MYH8: variants seen among roughly 807,000 people sequenced by gnomAD.
The protein encoded by MYH8 is myosin heavy chain 8.
Under a neutral mutation model 233.2 loss-of-function variants are expected in MYH8, and 168 were observed. The observed-to-expected ratio is 0.72, with a 90% CI of 0.64 to 0.82. The LOEUF (loss-of-function observed/expected upper bound fraction) is 0.82. Ranked by LOEUF, MYH8 falls within the 40% of genes least tolerant of loss-of-function variation. The pLI, the probability that MYH8 is intolerant of heterozygous loss-of-function variation, is 0.00. For missense variants in MYH8, 1,995 were observed against 2,327.8 expected (o/e 0.86, Z 2.94); for synonymous variants, 785 against 850.6 (o/e 0.92, Z 1.34).
At chr17:10,394,554 A>G (rs1487653747) in intron 34 of MYH8, 102 bp from the exon 35 acceptor site, 4 of 1,385,086 alleles carry the variant, frequency 2.9e-6, no homozygotes, top group Non-Finnish European at 3.0e-6. Flanking sequence ...ACAGAAGATG[A>G]CATATGCCTG....
intron 28 of MYH8, 82 bp from the exon 29 acceptor site, chr17:10,398,968 ATATATATATGTATATATGTGTGTGTG>A (rs1268349729): frequency 5.7e-6 from 4 of 696,768 alleles, no homozygotes; most frequent in African/African-American, 3.9e-5. Context: ...GTGTGTGTGT[ATATATATATGTATATATGTGTGTGTG>A]TATATATATA....
At position 10,400,670 on chromosome 17, in the gene MYH8, C is replaced by G. The variant is rs1254267380; in HGVS notation, c.3455G>C (p.Arg1152Thr). The change falls in exon 27 of 40, where the codon AGG (arginine) becomes ACG (threonine). Residue 1152 changes from arginine to threonine, a missense_variant. Physicochemically the swap from Arg to Thr is moderately conservative, Grantham distance 71. Coordinates refer to ENST00000403437, the MANE Select transcript of MYH8 (RefSeq NM_002472.3). The surrounding 1 kb of genome is among the most constrained non-coding windows in gnomAD (Gnocchi z 4.0). ...LSRELEEISERLEEAGGATSA... is the reference protein window; with the variant it reads ...LSRELEEISETLEEAGGATSA... ...AGTTGCCCCACCGGCTTCTTCCAGC[C>G]TCTCGCTGATCTCCTCCAGTTCCCG... The G allele has an allele frequency of 6.2e-7, 1 of 1,614,234 alleles. No homozygotes were observed. The highest frequency in any genetic ancestry group is 8.5e-7 in the Non-Finnish European group (1 of 1,180,048).
At chr17:10,397,694 G>A (rs1373144582) in intron 30 of MYH8, among the ~76,000 whole-genome samples, 7 of 152,128 alleles carry the variant, frequency 4.6e-5, no homozygotes, top group Non-Finnish European at 7.3e-5. Flanking sequence ...ATGGATTTGA[G>A]GTTAACTAGA....
chr17:10,418,319 A>T (rs1318656420), intron 5 of MYH8, among the ~76,000 whole-genome samples: 2 of 152,208 alleles, frequency 1.3e-5, no homozygotes, highest in Non-Finnish European at 1.5e-5. Context: ...ACTTTTTTCT[A>T]TCCAAATTGG....
At position 10,400,827 on chromosome 17, in the gene MYH8, G is replaced by GT. The variant is rs544451199; in HGVS notation, c.3345+41dup. ...AACATAAACTCATCTCAACTTCAGT[G>GT]TTTTTTTGGTGTGCAGAAAAAATAG... On this transcript the variant is annotated intron_variant, in intron 26 of 39. Transcript: ENST00000403437. This position sits in a 1 kb window ranked among gnomAD's most constrained non-coding sequence, Gnocchi z 4.0. 79 of 1,613,754 alleles carry GT rather than the reference G, an allele frequency of 4.9e-5. No homozygotes were observed. The African/African-American group carries it at 9.3e-4, about 19-fold the overall frequency.
Position 10,401,381 on chromosome 17 carries a change from G to C in MYH8, c.3002C>G (p.Ala1001Gly), listed in dbSNP as rs1237160219. The change falls in exon 24 of 40, where the codon GCT (alanine) becomes GGT (glycine). Residue 1001 changes from alanine to glycine, a missense_variant. By Grantham distance (60) the Ala-to-Gly change is moderately conservative (BLOSUM62 0). Around this residue, in one of 3 missense-constraint regions of MYH8, gnomAD observed 1,498 missense variants for 1,680.9 expected, o/e 0.89. Coordinates refer to ENST00000403437, the MANE Select transcript of MYH8 (RefSeq NM_002472.3). Reference sequence around the variant, plus strand: ...GGTCTGCTGGTGGGTCTCTTGGAGAGCCTTCTTCTCCTTGGACAGTTTTGC... The same window carrying C: ...GGTCTGCTGGTGGGTCTCTTGGAGACCCTTCTTCTCCTTGGACAGTTTTGC... ...TIAKLSKEKKALQETHQQTLD... is the reference protein window; with the variant it reads ...TIAKLSKEKKGLQETHQQTLD... 1 of 1,613,908 alleles carries C rather than the reference G, an allele frequency of 6.2e-7. No homozygotes were observed. The highest frequency in any genetic ancestry group is 1.3e-5 in the African/African-American group (1 of 74,852).
rs201407686 is a variant in MYH8 at position 10,398,582 on chromosome 17, C to T, written c.4040G>A (p.Arg1347Gln). ...TTCCTGCTCTTCCTCATACTGTTCC[C>T]GCAGCAGGTCGCAGTCATGGCGGGA... ...QSSRHDCDLL[R>Q]EQYEEEQEGK... Residue 1347 changes from arginine (R) to glutamine (Q), a missense_variant, in exon 30 of 40, where the codon CGG (arginine) becomes CAG (glutamine). Coordinates refer to ENST00000403437, the MANE Select transcript of MYH8 (RefSeq NM_002472.3). 2.0e-5 allele frequency: 33 copies of T among 1,614,084 alleles called. No homozygotes were observed. The highest frequency in any genetic ancestry group is 8.9e-5 in the East Asian group (4 of 44,892).
rs2072286696 is a variant in MYH8 at position 10,415,978 on chromosome 17, T to A, written c.512-270A>T. On this transcript the variant is annotated intron_variant, in intron 5 of 39. Coordinates refer to ENST00000403437, the MANE Select transcript of MYH8 (RefSeq NM_002472.3). The surrounding 1 kb of genome is among the most constrained non-coding windows in gnomAD (Gnocchi z 4.1). ...AACATAAAATTTACCATCTTAACCA[T>A]TTTTAAGTGTAGAGATCACTGGCAG... Among the ~76,000 whole-genome samples, 1 of 152,214 alleles carries A rather than the reference T, an allele frequency of 6.6e-6. No individual in the cohort carries two copies. Among genetic ancestry groups the A allele is most frequent in the Non-Finnish European group, 1.5e-5 (1 of 68,032 alleles).
intron 21 of MYH8, among the ~76,000 whole-genome samples, chr17:10,405,299 G>T (rs1436680432): frequency 6.6e-6 from 1 of 152,122 alleles, no homozygotes; most frequent in African/African-American, 2.4e-5. Flanking sequence ...GTAATAAAAG[G>T]TACCCCTACT....
intron 29 of MYH8, 45 bp from the exon 30 acceptor site, chr17:10,398,685 A>G: frequency 6.2e-7 from 1 of 1,614,132 alleles, no homozygotes; most frequent in Non-Finnish European, 8.5e-7. Flanking sequence ...GTATTCAGTG[A>G]TATTTAACTT....
intron 17 of MYH8, among the ~76,000 whole-genome samples, chr17:10,408,257 T>C (rs1417900859): frequency 3.3e-5 from 5 of 152,120 alleles, no homozygotes; most frequent in Admixed American, 1.3e-4. Context: ...AGATTTTTTT[T>C]CCCACAGCTC....
chr17:10,400,767 C>G lies in MYH8; in HGVS notation c.3358G>C (p.Glu1120Gln). 1 of 1,614,146 alleles carries G rather than the reference C, an allele frequency of 6.2e-7. No homozygotes were observed. Among genetic ancestry groups the G allele is most frequent in the Non-Finnish European group, 8.5e-7 (1 of 1,180,054 alleles). The change falls in exon 27 of 40, where the codon GAG becomes CAG. Residue 1120 changes from glutamate (E) to glutamine (Q), a missense_variant. This residue lies in a region of MYH8 where 1,498 missense variants were observed against 1,680.9 expected (regional missense o/e 0.89). Coordinates refer to ENST00000403437, the MANE Select transcript of MYH8 (RefSeq NM_002472.3). This position sits in a 1 kb window ranked among gnomAD's most constrained non-coding sequence, Gnocchi z 4.0. Reference sequence around the variant, plus strand: ...TCTGCCTCGATTTCTTCCCCCAGCTCCTCAATGCGGGCCTGGGAATGAAAG... The same window carrying G: ...TCTGCCTCGATTTCTTCCCCCAGCTGCTCAATGCGGGCCTGGGAATGAAAG... ...KIKELQARIE[E>Q]LGEEIEAERA...
intron 21 of MYH8, among the ~76,000 whole-genome samples, chr17:10,405,077 TCTTC>T (rs1166221970): frequency 6.6e-6 from 1 of 152,192 alleles, no homozygotes; most frequent in Non-Finnish European, 1.5e-5. Context: ...ATTTGTCATC[TCTTC>T]CTTGAAGTTG....
In MYH8 at chr17:10,393,167, A is replaced by G. The variant is rs1459255088; in HGVS notation, c.5210T>C (p.Val1737Ala). The G allele has an allele frequency of 6.2e-7, 1 of 1,614,146 alleles. No individual in the cohort carries two copies. Among genetic ancestry groups the G allele is most frequent in the Non-Finnish European group, 8.5e-7 (1 of 1,180,022 alleles). The change falls in exon 36 of 40, where the codon GTT becomes GCT. Residue 1737 changes from valine (V) to alanine (A), a missense_variant. This residue lies in a region of MYH8 where 1,498 missense variants were observed against 1,680.9 expected (regional missense o/e 0.89). Coordinates refer to ENST00000403437, the MANE Select transcript of MYH8 (RefSeq NM_002472.3). ...TTCCACTTCACTTTGGAGTTGGGAA[A>G]CGTCATTTTCTAATTTCTTCTTGGT... ...INTKKKLEND[V>A]SQLQSEVEEV...
intron 14 of MYH8, among the ~76,000 whole-genome samples, chr17:10,411,352 G>A (rs2072243085): frequency 6.6e-6 from 1 of 151,198 alleles, no homozygotes; most frequent in Admixed American, 6.6e-5. Flanking sequence ...CACCAGCCTG[G>A]GTGGCTGGGC....
At position 10,405,101 on chromosome 17, in the gene MYH8, T is replaced by C. The variant is rs560741501; in HGVS notation, c.2433-516A>G. ...CTCTTCCTTGAAGTTGCTCCTCTTA[T>C]TTTGAACAACACTGAATTATCCACT... is the stretch of plus-strand genomic sequence containing the variant. On this transcript the variant is annotated intron_variant, in intron 21 of 39. Transcript: ENST00000403437. 4.8e-4 allele frequency among the ~76,000 whole-genome samples: 73 copies of C among 152,284 alleles called. 1 individual carries two copies. Among genetic ancestry groups the C allele is most frequent in the African/African-American group, 1.7e-3 (72 of 41,564 alleles).
Position 10,396,860 on chromosome 17 carries a change from C to T in MYH8, c.4305G>A (p.Val1435=). 6.2e-7 allele frequency: 1 copy of T among 1,614,224 alleles called. No individual in the cohort carries two copies. Among genetic ancestry groups the T allele is most frequent in the Non-Finnish European group, 8.5e-7 (1 of 1,180,032 alleles). Residue 1435 remains valine, a synonymous_variant, in exon 31 of 40, where the codon GTG becomes GTA. Transcript: ENST00000403437. The surrounding 1 kb of genome is among the most constrained non-coding windows in gnomAD (Gnocchi z 4.2). The stretch of plus-strand genomic sequence containing the variant: ...CTGCACAGGCTGCATTAGACCTTTC[C>T]ACATCAAGCATGAGGTCTTCAACTT... ...QNEVEDLMLD[V]ERSNAACAAL... is the part of the protein sequence containing the mutation.
intron 17 of MYH8, among the ~76,000 whole-genome samples, chr17:10,407,676 T>C (rs1006791576): frequency 2.0e-5 from 3 of 151,772 alleles, no homozygotes; most frequent in Non-Finnish European, 4.4e-5. Flanking sequence ...CCATCTCTAC[T>C]AAAAATACAA....
Position 10,390,622 on chromosome 17 carries a change from T to A in MYH8, c.5665-19A>T, listed in dbSNP as rs112536868. On this transcript the variant is annotated intron_variant, in intron 39 of 39. Coordinates refer to ENST00000403437, the MANE Select transcript of MYH8 (RefSeq NM_002472.3). Reference sequence around the variant, plus strand: ...GTTCCTCCTAAGAATAGAGATAAAATTGTGAGAATTAGACTGTGTGGTTCT... The same window carrying A: ...GTTCCTCCTAAGAATAGAGATAAAAATGTGAGAATTAGACTGTGTGGTTCT... 6.2e-7 allele frequency: 1 copy of A among 1,613,118 alleles called. No homozygotes were observed. The highest frequency in any genetic ancestry group is 1.3e-5 in the African/African-American group (1 of 75,026).
Sources: gnomAD v4.1 joint callset for allele counts (sites outside exome capture counted in the v4.1 genomes callset) on GRCh38, gnomAD v4.1.1 for gene constraint, gnomAD v4.1.1 regional missense constraint, Gnocchi (gnomAD v3.1) non-coding constraint, MANE v1.5 for transcripts, NCBI Gene and HGNC (gene_info 2026-07-23, HGNC 2026-07-21) for gene names.